Variants in FGF12 observed in about 807,000 individuals in gnomAD.
The protein encoded by FGF12 is fibroblast growth factor 12B.
FGF12 carries 14 observed loss-of-function variants against 23.6 expected under a neutral mutation model. The observed-to-expected ratio is 0.59, with a 90% CI of 0.39 to 0.93. The LOEUF (loss-of-function observed/expected upper bound fraction) is 0.93, where lower values mean the gene tolerates loss of function less well. Ranked by LOEUF, FGF12 falls within the 40% of genes least tolerant of loss-of-function variation. FGF12 has a pLI of 0.00. For synonymous variants in FGF12, 62 were observed against 77.3 expected, an observed-to-expected ratio of 0.80 and a Z score of 1.04; for missense variants, 175 against 217.8, an observed-to-expected ratio of 0.80 and a Z score of 1.24.
chr3:192,687,020 G>A (rs189192120), intron 2 of FGF12, among the ~76,000 whole-genome samples: 373 of 150,766 alleles, frequency 2.5e-3, no homozygotes, highest in African/African-American at 8.3e-3. Context: ...TAGTAGAGAC[G>A]GGGTTTCACC....
chr3:192,286,667 C>T (rs961661436), intron 4 of FGF12, among the ~76,000 whole-genome samples: 1 of 152,004 alleles, frequency 6.6e-6, no homozygotes, highest in South Asian at 2.1e-4. Context: ...ATCCTTTTAT[C>T]TATTGTGTTA....
intron 2 of FGF12, among the ~76,000 whole-genome samples, chr3:192,643,759 T>C (rs1468251889): frequency 6.6e-6 from 1 of 152,186 alleles, no homozygotes; most frequent in East Asian, 1.9e-4. Flanking sequence ...ATATACATTT[T>C]TTAAACCACA....
At chr3:192,570,837 TA>T (rs1455270274) in intron 2 of FGF12, among the ~76,000 whole-genome samples, 1 of 152,154 alleles carries the variant, frequency 6.6e-6, no homozygotes, top group Non-Finnish European at 1.5e-5. Context: ...TAAAACTAAA[TA>T]AAAAATAAGA....
intron 4 of FGF12, among the ~76,000 whole-genome samples, chr3:192,279,209 T>C (rs891066793): frequency 6.9e-6 from 1 of 143,998 alleles, no homozygotes; most frequent in African/African-American, 2.6e-5. Flanking sequence ...ACCTTATAAG[T>C]CATGCTTGGT....
chr3:192,401,246 T>C lies in FGF12; in HGVS notation c.14-40708A>G, dbSNP rs1720747838. ...CTTGTTCTCAAGTCTGCTTCTGCATTCAATCTCTTTTGATATCTTATTGTG... is the reference window on the plus strand; with the variant it reads ...CTTGTTCTCAAGTCTGCTTCTGCATCCAATCTCTTTTGATATCTTATTGTG... On this transcript the variant is annotated intron_variant, in intron 2 of 5. Coordinates refer to ENST00000445105, the MANE Select transcript of FGF12 (RefSeq NM_004113.6). Among the ~76,000 whole-genome samples, 3 of 152,232 alleles carry C rather than the reference T, an allele frequency of 2.0e-5. No individual in the cohort carries two copies. The South Asian group carries it at 6.2e-4, about 31-fold the overall frequency.
At chr3:192,651,004 A>G (rs1341290128) in intron 2 of FGF12, among the ~76,000 whole-genome samples, 1 of 152,232 alleles carries the variant, frequency 6.6e-6, no homozygotes, top group East Asian at 1.9e-4. Flanking sequence ...TGCTAAGAAG[A>G]TATTGATTAT....
intron 2 of FGF12, among the ~76,000 whole-genome samples, chr3:192,384,199 C>T (rs886096862): frequency 4.6e-5 from 7 of 151,792 alleles, no homozygotes; most frequent in Non-Finnish European, 1.0e-4. Context: ...GTGTAAATGC[C>T]AGATTAGAAA....
rs532467963 is a variant in FGF12, at chr3:192,170,598, A to G, written c.287T>C (p.Ile96Thr). Reference sequence around the variant, plus strand: ...CTGGCGGTACAGTGTGGAAGAATAGATCACATAGTAGTTTTCAAACACAGA... The same window carrying G: ...CTGGCGGTACAGTGTGGAAGAATAGGTCACATAGTAGTTTTCAAACACAGA... ...KESVFENYYV[I>T]YSSTLYRQQE... The change falls in exon 5 of 6, where the codon ATC becomes ACC. Residue 96 changes from isoleucine to threonine, a missense_variant. Transcript: ENST00000445105. The G allele has an allele frequency of 6.2e-7, 1 of 1,613,982 alleles. No homozygotes were observed. Among genetic ancestry groups the G allele is most frequent in the East Asian group, 2.2e-5 (1 of 44,882 alleles).
chr3:192,446,177 C>T (rs1722348925), intron 2 of FGF12, among the ~76,000 whole-genome samples: 1 of 152,286 alleles, frequency 6.6e-6, no homozygotes, highest in African/African-American at 2.4e-5. Context: ...AGACACTGAA[C>T]AGAAATATAA....
Position 192,239,794 on chromosome 3 carries a change from C to T in FGF12, c.229-69138G>A, listed in dbSNP as rs368577092. ...ACTAGTCTGTGGAAAAATTGCGTTCCAAGAAACTGGTTTCTGGTGCCAAGA... is the reference window on the plus strand; with the variant it reads ...ACTAGTCTGTGGAAAAATTGCGTTCTAAGAAACTGGTTTCTGGTGCCAAGA... On this transcript the variant is annotated intron_variant, in intron 4 of 5. Transcript: ENST00000445105. Among the ~76,000 whole-genome samples, 32 of 152,304 alleles carry T rather than the reference C, an allele frequency of 2.1e-4. No homozygotes were observed. The South Asian group carries it at 4.6e-3, about 22-fold the overall frequency.
chr3:192,575,964 C>T (rs781415), intron 2 of FGF12, among the ~76,000 whole-genome samples: 115,713 of 152,120 alleles, frequency 0.76, 44,927 homozygotes, highest in Middle Eastern at 0.85. Context: ...TTTTCTTTCA[C>T]CAATAGATTT....
At chr3:192,685,059 CT>C (rs948791755) in intron 2 of FGF12, among the ~76,000 whole-genome samples, 6 of 149,114 alleles carry the variant, frequency 4.0e-5, no homozygotes, top group African/African-American at 4.9e-5. Context: ...AAGTTAGTAT[CT>C]TTTTTTTTTG....
chr3:192,668,805 A>C (rs1053679940), intron 2 of FGF12, among the ~76,000 whole-genome samples: 2 of 152,234 alleles, frequency 1.3e-5, no homozygotes, highest in African/African-American at 4.8e-5. Flanking sequence ...ATGGGACATA[A>C]AGCAACCAGA....
chr3:192,158,376 TTCTTTCTTTTCTTTCTC>T (rs1714604949), intron 5 of FGF12, among the ~76,000 whole-genome samples: 3 of 120,606 alleles, frequency 2.5e-5, no homozygotes, highest in Non-Finnish European at 5.3e-5. Context: ...CTTTCTTTCT[TTCTTTCTTTTCTTTCTC>T]TCTCTTTCTT....
At chr3:192,397,352 C>G (rs1720569476) in intron 2 of FGF12, among the ~76,000 whole-genome samples, 1 of 152,216 alleles carries the variant, frequency 6.6e-6, no homozygotes, top group Admixed American at 6.5e-5. Flanking sequence ...GAAAATAGAT[C>G]TCCAGTTTCT....
At chr3:192,648,289 G>A (rs1006843860) in intron 2 of FGF12, among the ~76,000 whole-genome samples, 1 of 151,980 alleles carries the variant, frequency 6.6e-6, no homozygotes, top group African/African-American at 2.4e-5. Flanking sequence ...CTGACTAGTG[G>A]TCCAGATAAT....
intron 4 of FGF12, among the ~76,000 whole-genome samples, chr3:192,234,839 G>A (rs768774355): frequency 9.9e-5 from 15 of 152,048 alleles, no homozygotes; most frequent in Non-Finnish European, 5.9e-5. Flanking sequence ...GTGATGAATC[G>A]CATTTATTGA....
chr3:192,353,460 C>T (rs1718319566), intron 3 of FGF12, among the ~76,000 whole-genome samples: 1 of 149,708 alleles, frequency 6.7e-6, no homozygotes, highest in Non-Finnish European at 1.5e-5. Flanking sequence ...ACCTCTGCCT[C>T]CTGGATTCAA....
At chr3:192,575,079 T>C (rs1172615207) in intron 2 of FGF12, among the ~76,000 whole-genome samples, 1 of 152,246 alleles carries the variant, frequency 6.6e-6, no homozygotes, top group Non-Finnish European at 1.5e-5. Context: ...ACTATTATTA[T>C]ATATAACATG....
Sources: allele counts gnomAD v4.1 joint callset (sites outside exome capture counted in the v4.1 genomes callset), GRCh38; gene constraint gnomAD v4.1.1; transcripts MANE v1.5; gene names NCBI Gene and HGNC (gene_info 2026-07-23, HGNC 2026-07-21).